NRG1: variants seen among roughly 807,000 people sequenced by gnomAD.
NRG1 encodes the protein pro-neuregulin-1, membrane-bound isoform.
A neutral mutation model predicts 63.8 loss-of-function variants in NRG1; 18 were observed. The observed-to-expected ratio is 0.28, with a 90% CI of 0.19 to 0.42. The LOEUF is 0.42. Ranked by LOEUF, NRG1 falls within the 10% of genes least tolerant of loss-of-function variation. The probability of loss-of-function intolerance (pLI) is 1.00; values close to 1 mark genes in which losing one functional copy is unlikely to be tolerated. For synonymous variants in NRG1, 302 were observed against 301.3 expected (o/e 1.00, Z -0.02); for missense variants, 762 against 814.7 (o/e 0.94, Z 0.79).
At chr8:32,321,403 T>C (rs982338263) in intron 1 of NRG1, among the ~76,000 whole-genome samples, 1 of 151,854 alleles carries the variant, frequency 6.6e-6, no homozygotes, top group Admixed American at 6.6e-5. Flanking sequence ...TATGGCAAAT[T>C]AGTTGATACT....
intron 2 of NRG1, among the ~76,000 whole-genome samples, chr8:32,598,637 T>C (rs72634861): frequency 0.06 from 9,078 of 152,188 alleles, 362 homozygotes; most frequent in Middle Eastern, 0.092. Context: ...GAAAAATGTA[T>C]TGAAGTGATG....
chr8:31,876,048 A>G (rs1261912932), intron 1 of NRG1, among the ~76,000 whole-genome samples: 2 of 151,688 alleles, frequency 1.3e-5, no homozygotes, highest in Non-Finnish European at 2.9e-5. Flanking sequence ...CAAACAAACA[A>G]ACAAACAAAC....
chr8:32,105,746 A>G (rs1417312568), intron 1 of NRG1, among the ~76,000 whole-genome samples: 1 of 152,220 alleles, frequency 6.6e-6, no homozygotes, highest in African/African-American at 2.4e-5. Flanking sequence ...ACTTAGGAGT[A>G]TATTATAACT....
chr8:31,916,604 T>C (rs917364008), intron 1 of NRG1, among the ~76,000 whole-genome samples: 3 of 152,218 alleles, frequency 2.0e-5, no homozygotes, highest in African/African-American at 7.2e-5. Context: ...CAGTCTATCA[T>C]TGTTGGACAT....
chr8:31,833,823 A>G (rs1216805902), intron 1 of NRG1, among the ~76,000 whole-genome samples: 1 of 152,078 alleles, frequency 6.6e-6, no homozygotes, highest in Non-Finnish European at 1.5e-5. Context: ...CATAGCAGGT[A>G]TAAGTGGGTT....
intron 1 of NRG1, among the ~76,000 whole-genome samples, chr8:31,876,090 C>G (rs1405110591): frequency 6.6e-6 from 1 of 152,100 alleles, no homozygotes; most frequent in Admixed American, 6.6e-5. Flanking sequence ...GAATTGATCA[C>G]AGAAGCATCT....
chr8:32,001,972 G>A (rs1813003610), intron 1 of NRG1, among the ~76,000 whole-genome samples: 1 of 151,926 alleles, frequency 6.6e-6, no homozygotes, highest in Non-Finnish European at 1.5e-5. Flanking sequence ...CACACTTAAG[G>A]AGTCAGGAAT....
At chr8:31,642,735 G>A (rs958674352) in intron 1 of NRG1, among the ~76,000 whole-genome samples, 1 of 152,134 alleles carries the variant, frequency 6.6e-6, no homozygotes. Context: ...CAAAGTTACT[G>A]CCCTGGATTT....
At chr8:32,217,431 C>T (rs1271924507) in intron 1 of NRG1, among the ~76,000 whole-genome samples, 2 of 152,004 alleles carry the variant, frequency 1.3e-5, no homozygotes, top group Non-Finnish European at 2.9e-5. Context: ...GAACACCAGC[C>T]AATTTCTCTA....
rs150355225 is a variant in NRG1 at position 31,772,187 on chromosome 8, A to G, written c.37+132756A>G. On this transcript the variant is annotated intron_variant, in intron 1 of 10. Transcript: ENST00000519301. The stretch of plus-strand genomic sequence containing the variant: ...TGGGAAAAACTATCTTTCATGATCT[A>G]TCTCCCTTTTCAAAGCTGTTAAACT... Among the ~76,000 whole-genome samples, 458 of 152,178 alleles carry G rather than the reference A, an allele frequency of 3.0e-3. 2 individuals are homozygous for G. In the Middle Eastern group the frequency reaches 0.031, roughly 10 times the overall value.
chr8:31,888,842 A>T (rs1312945373), intron 1 of NRG1, among the ~76,000 whole-genome samples: 1 of 152,116 alleles, frequency 6.6e-6, no homozygotes, highest in Non-Finnish European at 1.5e-5. Flanking sequence ...TTATTTTTAG[A>T]CTAACATATT....
At chr8:32,728,495 T>A in intron 6 of NRG1, 1 of 985,310 alleles carries the variant, frequency 1.0e-6, no homozygotes, top group Non-Finnish European at 1.2e-6. Flanking sequence ...GCCAAATGAA[T>A]AAGACAACAA....
At chr8:31,706,364 A>G (rs903111055) in intron 1 of NRG1, among the ~76,000 whole-genome samples, 3 of 151,388 alleles carry the variant, frequency 2.0e-5, no homozygotes, top group Non-Finnish European at 4.4e-5. Flanking sequence ...AGTTATTTCC[A>G]TATATACATA....
At chr8:32,253,888 G>C (rs2347068) in intron 1 of NRG1, among the ~76,000 whole-genome samples, 59,712 of 151,784 alleles carry the variant, frequency 0.39, 13,297 homozygotes, top group Non-Finnish European at 0.49. Flanking sequence ...GTCTATTCAG[G>C]GATTTGACTT....
intron 1 of NRG1, among the ~76,000 whole-genome samples, chr8:31,764,497 T>G (rs1817860252): frequency 6.6e-6 from 1 of 152,212 alleles, no homozygotes; most frequent in African/African-American, 2.4e-5. Flanking sequence ...TAATATGTAT[T>G]GAAGGTAGAT....
At chr8:32,212,375 G>A (rs1462947575) in intron 1 of NRG1, among the ~76,000 whole-genome samples, 1 of 152,126 alleles carries the variant, frequency 6.6e-6, no homozygotes, top group Non-Finnish European at 1.5e-5. Context: ...TTTCTGGTTT[G>A]TTCATGGCAG....
chr8:31,814,393 G>A (rs914949224), intron 1 of NRG1, among the ~76,000 whole-genome samples: 3 of 152,122 alleles, frequency 2.0e-5, no homozygotes, highest in East Asian at 3.9e-4. Context: ...CCTCAGTTAC[G>A]CAACTGTGAA....
chr8:32,476,739 CA>C (rs1285387874), intron 1 of NRG1, among the ~76,000 whole-genome samples: 1 of 152,160 alleles, frequency 6.6e-6, no homozygotes, highest in African/African-American at 2.4e-5. Flanking sequence ...TAAATATTGA[CA>C]GTTACTTTGC....
chr8:32,270,782 C>A (rs1447377438), intron 1 of NRG1, among the ~76,000 whole-genome samples: 1 of 152,184 alleles, frequency 6.6e-6, no homozygotes, highest in East Asian at 1.9e-4. Context: ...AACATTGACA[C>A]CACAGAAATT....
Sources: gnomAD v4.1 joint callset for allele counts (sites outside exome capture counted in the v4.1 genomes callset) on GRCh38, gnomAD v4.1.1 for gene constraint, MANE v1.5 for transcripts, NCBI Gene and HGNC (gene_info 2026-07-23, HGNC 2026-07-21) for gene names.